Variants in SMAD9 observed in about 807,000 individuals in gnomAD.
The protein encoded by SMAD9 is SMAD family member 9.
SMAD9 carries 36 observed loss-of-function variants against 46.1 expected under a neutral mutation model. The observed-to-expected ratio is 0.78, with a 90% confidence interval of 0.60 to 1.03. The LOEUF (loss-of-function observed/expected upper bound fraction) is 1.03. Ranked by LOEUF, SMAD9 falls within the 50% of genes least tolerant of loss-of-function variation. The probability of loss-of-function intolerance (pLI) is 0.00; values close to 1 mark genes in which losing one functional copy is unlikely to be tolerated. For missense variants in SMAD9, 572 were observed against 599.8 expected, an observed-to-expected ratio of 0.95 and a Z score of 0.48; for synonymous variants, 245 against 237.1, an observed-to-expected ratio of 1.03 and a Z score of -0.31.
At chr13:36,892,477 G>A (rs1215023792) in intron 1 of SMAD9, among the ~76,000 whole-genome samples, 4 of 152,110 alleles carry the variant, frequency 2.6e-5, no homozygotes, top group East Asian at 1.9e-4. Flanking sequence ...TTCCTGTGTC[G>A]CTTCAGATAT....
intron 3 of SMAD9, among the ~76,000 whole-genome samples, chr13:36,871,070 T>C (rs1039428398): frequency 6.6e-6 from 1 of 152,230 alleles, no homozygotes; most frequent in Non-Finnish European, 1.5e-5. Context: ...CTCTGGTAGC[T>C]GAAACCTCAG....
At chr13:36,859,817 G>A (rs2058162369) in intron 5 of SMAD9, among the ~76,000 whole-genome samples, 1 of 151,970 alleles carries the variant, frequency 6.6e-6, no homozygotes, top group Non-Finnish European at 1.5e-5. Context: ...AAAATTAGGA[G>A]GGCATGGTGG....
rs1254564362 is a variant in SMAD9, at chr13:36,910,876, T to A, written c.-187+9240A>T. On this transcript the variant is annotated intron_variant, in intron 1 of 6. Transcript: ENST00000379826. ...TTTTCTCCAGAGATGCCTAGCCTTC[T>A]ATCAGGCCACAAGCCAAGCCACATT... is the stretch of plus-strand genomic sequence containing the variant. Among the ~76,000 whole-genome samples the A allele has an allele frequency of 2.0e-5, 3 of 152,212 alleles. No homozygotes were observed. In the East Asian group the frequency reaches 5.8e-4, roughly 29 times the overall value.
chr13:36,849,203 G>A (rs900464433), intron 6 of SMAD9, among the ~76,000 whole-genome samples: 1 of 152,124 alleles, frequency 6.6e-6, no homozygotes, highest in Non-Finnish European at 1.5e-5. Flanking sequence ...CCAGTGACTG[G>A]ACCTGAAAGT....
intron 5 of SMAD9, among the ~76,000 whole-genome samples, chr13:36,854,517 G>A (rs7997694): frequency 3.3e-5 from 5 of 152,040 alleles, no homozygotes; most frequent in African/African-American, 1.2e-4. Flanking sequence ...ACAGGTGCCC[G>A]CCAACACAGC....
chr13:36,869,686 G>A (rs2058270980), intron 3 of SMAD9, among the ~76,000 whole-genome samples: 1 of 151,986 alleles, frequency 6.6e-6, no homozygotes, highest in Non-Finnish European at 1.5e-5. Flanking sequence ...AAAATTAGCC[G>A]GGTGTGGTGG....
chr13:36,868,435 C>A (rs1280377950), intron 3 of SMAD9, among the ~76,000 whole-genome samples: 3 of 152,148 alleles, frequency 2.0e-5, no homozygotes, highest in African/African-American at 7.2e-5. Context: ...CTAAATATGT[C>A]TATTTACTCA....
chr13:36,857,645 C>T (rs973486728), intron 5 of SMAD9, among the ~76,000 whole-genome samples: 1 of 152,128 alleles, frequency 6.6e-6, no homozygotes, highest in African/African-American at 2.4e-5. Flanking sequence ...GGGAAGAGGG[C>T]AGGTTGGGCA....
intron 6 of SMAD9, chr13:36,852,542 T>C (rs1446003011): frequency 7.1e-6 from 7 of 984,780 alleles, no homozygotes; most frequent in Non-Finnish European, 8.4e-6. Flanking sequence ...ATATGAGAAA[T>C]TCAACAAATA....
chr13:36,918,981 C>T (rs559270586), intron 1 of SMAD9, among the ~76,000 whole-genome samples: 5 of 152,296 alleles, frequency 3.3e-5, no homozygotes, highest in Admixed American at 2.0e-4. Context: ...TCCGAGAAAT[C>T]TGGCAAGCCA....
At chr13:36,916,851 T>C (rs1404629166) in intron 1 of SMAD9, among the ~76,000 whole-genome samples, 9 of 150,932 alleles carry the variant, frequency 6.0e-5, no homozygotes, top group African/African-American at 2.0e-4. Flanking sequence ...GAAGAAGTCA[T>C]ATTTGAGGAT....
At chr13:36,907,786 A>T (rs2058630638) in intron 1 of SMAD9, among the ~76,000 whole-genome samples, 1 of 152,232 alleles carries the variant, frequency 6.6e-6, no homozygotes, top group South Asian at 2.1e-4. Context: ...CACTACCTTC[A>T]AGGGATTTTA....
At chr13:36,887,778 G>A (rs2058459445) in intron 1 of SMAD9, among the ~76,000 whole-genome samples, 1 of 152,182 alleles carries the variant, frequency 6.6e-6, no homozygotes, top group African/African-American at 2.4e-5. Context: ...TGGGACAACA[G>A]AAGGGAAGAG....
intron 1 of SMAD9, among the ~76,000 whole-genome samples, chr13:36,902,998 T>C (rs1466618904): frequency 6.6e-6 from 1 of 151,958 alleles, no homozygotes; most frequent in African/African-American, 2.4e-5. Context: ...GATGGGAGTA[T>C]AAGAAGCGTG....
intron 1 of SMAD9, among the ~76,000 whole-genome samples, chr13:36,884,410 T>C (rs2058428257): frequency 6.6e-6 from 1 of 152,124 alleles, no homozygotes; most frequent in Non-Finnish European, 1.5e-5. Flanking sequence ...TGTCCTTTCT[T>C]TGGAAAGGAC....
intron 5 of SMAD9, among the ~76,000 whole-genome samples, chr13:36,860,372 T>C (rs760993121): frequency 1.6e-4 from 25 of 151,842 alleles, no homozygotes; most frequent in Admixed American, 5.2e-4. Context: ...AGGATACGCT[T>C]GATCTATCTC....
chr13:36,897,006 T>C (rs1249205660), intron 1 of SMAD9, among the ~76,000 whole-genome samples: 2 of 152,148 alleles, frequency 1.3e-5, no homozygotes, highest in East Asian at 1.9e-4. Context: ...GAACACTCTA[T>C]GTGTAGATTT....
intron 5 of SMAD9, among the ~76,000 whole-genome samples, chr13:36,861,876 C>T (rs2058185532): frequency 1.3e-5 from 2 of 151,344 alleles, no homozygotes; most frequent in African/African-American, 4.8e-5. Context: ...TTGCAGTAAG[C>T]TGAGATCGTT....
intron 1 of SMAD9, among the ~76,000 whole-genome samples, chr13:36,906,323 G>T (rs760746739): frequency 6.6e-6 from 1 of 152,036 alleles, no homozygotes. Flanking sequence ...TTATATGACC[G>T]TATGTTATGG....
Sources: gnomAD v4.1 joint callset for allele counts (sites outside exome capture counted in the v4.1 genomes callset) on GRCh38, gnomAD v4.1.1 for gene constraint, MANE v1.5 for transcripts, NCBI Gene and HGNC (gene_info 2026-07-23, HGNC 2026-07-21) for gene names.